The following CNTNAP2 variants were observed in gnomAD, a reference collection of about 807,000 sequenced individuals.
The protein encoded by CNTNAP2 is contactin-associated protein-like 2.
In CNTNAP2, 98 loss-of-function variants were observed where a neutral mutation model predicts 155.2. The ratio of observed to expected loss-of-function variants is 0.63; its 90% confidence interval spans 0.54 to 0.75. The LOEUF is 0.75. Among genes scored for constraint, CNTNAP2 ranks in the 30% least tolerant of loss-of-function variants. The probability of loss-of-function intolerance (pLI) is 0.00; values close to 1 mark genes in which losing one functional copy is unlikely to be tolerated. For synonymous variants in CNTNAP2, 651 were observed against 631.2 expected, an observed-to-expected ratio of 1.03 and a Z score of -0.47; for missense variants, 1,727 against 1,688.1, an observed-to-expected ratio of 1.02 and a Z score of -0.40.
intron 3 of CNTNAP2, among the ~76,000 whole-genome samples, chr7:146,911,615 A>G (rs1456587259): frequency 7.6e-6 from 1 of 131,806 alleles, no homozygotes; most frequent in African/African-American, 2.9e-5. Flanking sequence ...ATGAGATCAC[A>G]TGGACACATG....
At chr7:147,179,090 T>C (rs1454566163) in intron 8 of CNTNAP2, among the ~76,000 whole-genome samples, 1 of 152,198 alleles carries the variant, frequency 6.6e-6, no homozygotes, top group African/African-American at 2.4e-5. Context: ...CCTTACTTTT[T>C]AACTAAGCAT....
chr7:147,067,276 T>G (rs998376633), intron 4 of CNTNAP2, among the ~76,000 whole-genome samples: 1 of 114,468 alleles, frequency 8.7e-6, no homozygotes, highest in Non-Finnish European at 1.6e-5. Flanking sequence ...GGTGACAGAG[T>G]GAGACTCCGT....
intron 21 of CNTNAP2, among the ~76,000 whole-genome samples, chr7:148,319,945 G>A (rs1222340092): frequency 3.3e-5 from 5 of 151,116 alleles, no homozygotes; most frequent in Admixed American, 1.3e-4. Context: ...CCTAGTCCAC[G>A]GAAAAGCTGT....
In CNTNAP2 at chr7:146,979,661, C is replaced by CA. The variant is rs368227433; in HGVS notation, c.403-64239dup. Reference sequence around the variant, plus strand: ...TATGAGCAGTGTTGAGCCATAAGTCCAAAAAAATGTTTGTTGAAGGAAGAA... The same window carrying CA: ...TATGAGCAGTGTTGAGCCATAAGTCCAAAAAAAATGTTTGTTGAAGGAAGAA... On this transcript the variant is annotated intron_variant, in intron 3 of 23. Transcript: ENST00000361727. 4.2e-3 allele frequency among the ~76,000 whole-genome samples: 638 copies of CA among 152,046 alleles called. 8 individuals are homozygous for CA. Among genetic ancestry groups the CA allele is most frequent in the African/African-American group, 0.015 (604 of 41,476 alleles).
chr7:146,668,427 C>CGTGTGTGT (rs1563180570), intron 1 of CNTNAP2, among the ~76,000 whole-genome samples: 2 of 101,168 alleles, frequency 2.0e-5, no homozygotes, highest in African/African-American at 7.5e-5. Flanking sequence ...CTGTAATTTT[C>CGTGTGTGT]CTGTGTGTGT....
intron 1 of CNTNAP2, among the ~76,000 whole-genome samples, chr7:146,667,315 T>G (rs533675337): frequency 5.3e-5 from 8 of 152,234 alleles, no homozygotes; most frequent in African/African-American, 1.9e-4. Flanking sequence ...AGTTTTTGCA[T>G]TCTGTATTTT....
In CNTNAP2 at chr7:147,046,878, C is replaced by A. The variant is rs1584803055; in HGVS notation, c.550+2824C>A. Among the ~76,000 whole-genome samples, 3 of 151,376 alleles carry A rather than the reference C, an allele frequency of 2.0e-5. No homozygotes were observed. The South Asian group carries it at 6.3e-4, about 32-fold the overall frequency. On this transcript the variant is annotated intron_variant, in intron 4 of 23. Coordinates refer to ENST00000361727, the MANE Select transcript of CNTNAP2 (RefSeq NM_014141.6). ...CCCCGTCTCTACTAAAAATACAAAA[C>A]AAAATTAACTGGGCATTGTGGCGGG...
intron 10 of CNTNAP2, among the ~76,000 whole-genome samples, chr7:147,471,331 G>A (rs1798212937): frequency 6.6e-6 from 1 of 152,138 alleles, no homozygotes; most frequent in Non-Finnish European, 1.5e-5. Flanking sequence ...CACTACAAAG[G>A]AAAACTCTAC....
intron 9 of CNTNAP2, among the ~76,000 whole-genome samples, chr7:147,368,005 T>A: frequency 8.9e-6 from 1 of 112,888 alleles, no homozygotes; most frequent in African/African-American, 3.8e-5. Flanking sequence ...TCTCTCTGTC[T>A]CTCTCTCTCC....
At chr7:147,398,837 G>A (rs1429067652) in intron 10 of CNTNAP2, among the ~76,000 whole-genome samples, 1 of 150,420 alleles carries the variant, frequency 6.6e-6, no homozygotes, top group African/African-American at 2.5e-5. Context: ...AGAGGGAGGG[G>A]AGGAAGGAGA....
rs575303826 is a variant in CNTNAP2 at position 147,252,377 on chromosome 7, T to A, written c.1349-47764T>A. Among the ~76,000 whole-genome samples the A allele has an allele frequency of 1.3e-4, 20 of 152,340 alleles. No homozygotes were observed. The South Asian group carries it at 4.1e-3, about 32-fold the overall frequency. On this transcript the variant is annotated intron_variant, in intron 8 of 23. Coordinates refer to ENST00000361727, the MANE Select transcript of CNTNAP2 (RefSeq NM_014141.6). ...AATTCTAATTATTTTCAGGAAGGGC[T>A]GTGAATTACATCTTGCAAAAAAGCT...
At chr7:147,245,827 T>C (rs1469460241) in intron 8 of CNTNAP2, among the ~76,000 whole-genome samples, 2 of 150,962 alleles carry the variant, frequency 1.3e-5, no homozygotes, top group Non-Finnish European at 2.9e-5. Flanking sequence ...AGCTTTTATC[T>C]TCAAATTTTG....
At chr7:147,071,423 C>T (rs1799889637) in intron 4 of CNTNAP2, among the ~76,000 whole-genome samples, 1 of 151,996 alleles carries the variant, frequency 6.6e-6, no homozygotes. Flanking sequence ...GAGATGCATC[C>T]CTCTCTTGTA....
intron 3 of CNTNAP2, among the ~76,000 whole-genome samples, chr7:147,008,295 T>C (rs897453916): frequency 5.3e-5 from 8 of 152,108 alleles, no homozygotes; most frequent in Admixed American, 5.2e-4. Context: ...CCATTATTTC[T>C]AATATATAAG....
intron 3 of CNTNAP2, among the ~76,000 whole-genome samples, chr7:146,871,616 G>C (rs1795309857): frequency 6.6e-6 from 1 of 151,854 alleles, no homozygotes; most frequent in Non-Finnish European, 1.5e-5. Context: ...GCTAGAAAGA[G>C]TAAATTACAA....
At chr7:148,216,094 G>T (rs1334688980) in intron 18 of CNTNAP2, among the ~76,000 whole-genome samples, 1 of 152,182 alleles carries the variant, frequency 6.6e-6, no homozygotes, top group Non-Finnish European at 1.5e-5. Context: ...AAGACCACAG[G>T]ATCCCTAAGG....
chr7:146,630,129 C>T (rs1373178548), intron 1 of CNTNAP2, among the ~76,000 whole-genome samples: 2 of 151,914 alleles, frequency 1.3e-5, no homozygotes, highest in Admixed American at 1.3e-4. Context: ...GCTCTCCCTC[C>T]CCTAGCCCCT....
chr7:147,135,659 TA>T (rs139676963), intron 8 of CNTNAP2, among the ~76,000 whole-genome samples: 2,628 of 151,770 alleles, frequency 0.017, 82 homozygotes, highest in African/African-American at 0.06. Context: ...CAAAGTACAG[TA>T]AGAAAATATT....
intron 22 of CNTNAP2, among the ~76,000 whole-genome samples, chr7:148,404,603 C>A (rs1799658218): frequency 6.6e-6 from 1 of 152,204 alleles, no homozygotes; most frequent in Non-Finnish European, 1.5e-5. Flanking sequence ...ACAGCAGCAT[C>A]TAGGGGTATG....
Sources: gnomAD v4.1 joint callset for allele counts (sites outside exome capture counted in the v4.1 genomes callset) on GRCh38, gnomAD v4.1.1 for gene constraint, MANE v1.5 for transcripts, NCBI Gene and HGNC (gene_info 2026-07-23, HGNC 2026-07-21) for gene names.